The following BORCS5 variants were observed in gnomAD, a reference collection of about 807,000 sequenced individuals.
BORCS5 encodes the protein BLOC-1-related complex subunit 5.
BORCS5 carries 17 observed loss-of-function variants against 22.1 expected under a neutral mutation model. The observed-to-expected ratio is 0.77, with a 90% CI of 0.53 to 1.15. BORCS5 has a LOEUF of 1.15. BORCS5 is among the 50% of genes most tolerant of loss of function. The probability of loss-of-function intolerance (pLI) is 0.00; values close to 1 mark genes in which losing one functional copy is unlikely to be tolerated. For synonymous variants in BORCS5, 117 were observed against 99.8 expected, an observed-to-expected ratio of 1.17 and a Z score of -1.03; for missense variants, 247 against 253.2, an observed-to-expected ratio of 0.98 and a Z score of 0.17.
intron 2 of BORCS5, among the ~76,000 whole-genome samples, chr12:12,377,908 A>T (rs1863690623): frequency 1.3e-5 from 2 of 152,234 alleles, no homozygotes; most frequent in African/African-American, 4.8e-5. Flanking sequence ...CTGAATTTAA[A>T]GCATACATTT....
rs183082887 is a variant in BORCS5 at position 12,395,298 on chromosome 12, C to T, written c.202+33949C>T. Among the ~76,000 whole-genome samples the T allele has an allele frequency of 2.0e-4, 30 of 151,844 alleles. No homozygotes were observed. In the East Asian group the frequency reaches 5.0e-3, roughly 25 times the overall value. On this transcript the variant is annotated intron_variant, in intron 2 of 3. Coordinates refer to ENST00000314565, the MANE Select transcript of BORCS5 (RefSeq NM_058169.6). ...TATTATTATTATTTTGAGAAAGAGT[C>T]TCTCTCTGTCACCCAGGCTGGAGTG...
At chr12:12,373,521 T>C (rs114184751) in intron 2 of BORCS5, among the ~76,000 whole-genome samples, 215 of 152,370 alleles carry the variant, frequency 1.4e-3, no homozygotes, top group African/African-American at 4.8e-3. Context: ...TTGTTTATTA[T>C]TGCATAATAG....
intron 2 of BORCS5, among the ~76,000 whole-genome samples, chr12:12,376,265 ACT>A (rs1249856107): frequency 2.2e-5 from 3 of 135,830 alleles, no homozygotes; most frequent in Non-Finnish European, 4.7e-5. Context: ...ACAGAGTCTC[ACT>A]CTGTTGCCCA....
intron 1 of BORCS5, among the ~76,000 whole-genome samples, chr12:12,359,869 C>T (rs933108316): frequency 1.4e-4 from 22 of 152,008 alleles, no homozygotes; most frequent in Admixed American, 6.6e-5. Context: ...AATTCCTTTC[C>T]TAACTGTCTA....
chr12:12,420,807 T>G (rs1480286489), intron 2 of BORCS5, among the ~76,000 whole-genome samples: 2 of 152,208 alleles, frequency 1.3e-5, no homozygotes, highest in East Asian at 3.8e-4. Flanking sequence ...TTTATTCTCT[T>G]TGAAGCAATT....
At chr12:12,420,773 C>T (rs1005934905) in intron 2 of BORCS5, among the ~76,000 whole-genome samples, 8 of 152,112 alleles carry the variant, frequency 5.3e-5, no homozygotes, top group African/African-American at 1.7e-4. Context: ...CTTCACATCC[C>T]TTGTAAGTTG....
intron 2 of BORCS5, among the ~76,000 whole-genome samples, chr12:12,389,291 C>T (rs1863950431): frequency 6.6e-6 from 1 of 150,486 alleles, no homozygotes; most frequent in South Asian, 2.1e-4. Context: ...GCGCCCACCA[C>T]CACGCCTGGC....
chr12:12,414,996 T>C (rs879333011), intron 2 of BORCS5, among the ~76,000 whole-genome samples: 1,448 of 82,488 alleles, frequency 0.018, 22 homozygotes, highest in Admixed American at 0.024. Context: ...GGGATGGGGG[T>C]GGGGAAGAGG....
At chr12:12,394,290 C>T (rs1302967115) in intron 2 of BORCS5, among the ~76,000 whole-genome samples, 1 of 151,874 alleles carries the variant, frequency 6.6e-6, no homozygotes, top group Non-Finnish European at 1.5e-5. Flanking sequence ...CATGCCACTG[C>T]ACCCCAGCTT....
chr12:12,359,768 T>C (rs1339618661), intron 1 of BORCS5, among the ~76,000 whole-genome samples: 1 of 151,872 alleles, frequency 6.6e-6, no homozygotes. Flanking sequence ...TTACTAAACA[T>C]AGCTGGCTTG....
rs181540356 is a variant in BORCS5 at position 12,400,342 on chromosome 12, C to T, written c.203-35286C>T. ...CTCTTAGCAAGAGTTGAAATTACCTCGGTCAACCACATGACAAAAGAGTGG... is the reference window on the plus strand; with the variant it reads ...CTCTTAGCAAGAGTTGAAATTACCTTGGTCAACCACATGACAAAAGAGTGG... On this transcript the variant is annotated intron_variant, in intron 2 of 3. Coordinates refer to ENST00000314565, the MANE Select transcript of BORCS5 (RefSeq NM_058169.6). Among the ~76,000 whole-genome samples, 332 of 152,244 alleles carry T rather than the reference C, an allele frequency of 2.2e-3. 1 individual carries two copies. The highest frequency in any genetic ancestry group is 2.7e-3 in the Non-Finnish European group (182 of 68,024).
In BORCS5 at chr12:12,411,443, G is replaced by A. The variant is rs114897176; in HGVS notation, c.203-24185G>A. The stretch of plus-strand genomic sequence containing the variant: ...CCCATTTATGAATTGGGTTGTTTGA[G>A]GTTTTTTGTTGGGTTTTAGGAATTC... On this transcript the variant is annotated intron_variant, in intron 2 of 3. Transcript: ENST00000314565. Among the ~76,000 whole-genome samples the A allele has an allele frequency of 2.5e-3, 381 of 151,994 alleles. 2 individuals are homozygous for A. The highest frequency in any genetic ancestry group is 8.4e-3 in the African/African-American group (347 of 41,458).
chr12:12,438,527 T>C (rs920366605), intron 3 of BORCS5, among the ~76,000 whole-genome samples: 3 of 152,108 alleles, frequency 2.0e-5, no homozygotes, highest in Admixed American at 6.5e-5. Flanking sequence ...AGCTTCTCAT[T>C]ATAGCACATT....
intron 2 of BORCS5, among the ~76,000 whole-genome samples, chr12:12,411,558 G>A (rs934531141): frequency 2.0e-5 from 3 of 151,940 alleles, no homozygotes; most frequent in African/African-American, 7.3e-5. Context: ...CATTTTGTGG[G>A]CTGCCTTTTT....
At chr12:12,410,200 T>A (rs1188839148) in intron 2 of BORCS5, among the ~76,000 whole-genome samples, 1 of 152,366 alleles carries the variant, frequency 6.6e-6, no homozygotes, top group African/African-American at 2.4e-5. Context: ...GATGGTAGTT[T>A]CTTTTGCTGT....
chr12:12,396,772 C>T (rs1052440319), intron 2 of BORCS5, among the ~76,000 whole-genome samples: 3 of 152,174 alleles, frequency 2.0e-5, no homozygotes, highest in Non-Finnish European at 2.9e-5. Flanking sequence ...TTGCTACCCT[C>T]ATTTAGAAAC....
rs575859903 is a variant in BORCS5 at position 12,470,518 on chromosome 12, A to G, written c.*4742A>G. Among the ~76,000 whole-genome samples, 1 of 152,246 alleles carries G rather than the reference A, an allele frequency of 6.6e-6. No homozygotes were observed. ...GAAGGATCTAGGTTTTGCGCTCCTT[A>G]TGAGAATCTAATGCCTGATGATCTG... On this transcript the variant is annotated 3_prime_UTR_variant, in exon 4 of 4. Coordinates refer to ENST00000314565, the MANE Select transcript of BORCS5 (RefSeq NM_058169.6).
chr12:12,367,459 C>T (rs1863428949), intron 2 of BORCS5, among the ~76,000 whole-genome samples: 1 of 152,126 alleles, frequency 6.6e-6, no homozygotes, highest in African/African-American at 2.4e-5. Context: ...TCCCAAATAC[C>T]ATATTGGAAA....
At chr12:12,385,641 C>G (rs1863863479) in intron 2 of BORCS5, among the ~76,000 whole-genome samples, 1 of 151,258 alleles carries the variant, frequency 6.6e-6, no homozygotes. Flanking sequence ...TCTGAAGTAG[C>G]TGGGACTGCA....
Sources: allele counts gnomAD v4.1 joint callset (sites outside exome capture counted in the v4.1 genomes callset), GRCh38; gene constraint gnomAD v4.1.1; transcripts MANE v1.5; gene names NCBI Gene and HGNC (gene_info 2026-07-23, HGNC 2026-07-21).